The following KIAA0586 variants were observed in gnomAD, a reference collection of about 807,000 sequenced individuals.
The protein encoded by KIAA0586 is KIAA0586, also known as protein TALPID3.
In KIAA0586, 144 loss-of-function variants were observed where a neutral mutation model predicts 169.8. The observed-to-expected ratio is 0.85, with a 90% CI of 0.74 to 0.97. The LOEUF (loss-of-function observed/expected upper bound fraction) is 0.97. KIAA0586 is among the 50% of genes least tolerant of loss of function. The probability of loss-of-function intolerance (pLI) is 0.00; values close to 1 mark genes in which losing one functional copy is unlikely to be tolerated. For synonymous variants in KIAA0586, 625 were observed against 612.4 expected (o/e 1.02, Z -0.30); for missense variants, 1,854 against 1,823.0 (o/e 1.02, Z -0.31).
chr14:58,527,761 TG>T (rs1370222897), intron 29 of KIAA0586, among the ~76,000 whole-genome samples: 1 of 152,096 alleles, frequency 6.6e-6, no homozygotes, highest in East Asian at 1.9e-4. Context: ...CATAGCAAAT[TG>T]TAAAGACCAT....
At chr14:58,442,481 A>G (rs1340728022) in intron 4 of KIAA0586, among the ~76,000 whole-genome samples, 2 of 152,000 alleles carry the variant, frequency 1.3e-5, no homozygotes, top group Admixed American at 6.6e-5. Flanking sequence ...TTTAATTCTT[A>G]TTTTCCAAAA....
Position 58,467,778 on chromosome 14 carries a change from G to A in KIAA0586, c.2298G>A (p.Val766=), listed in dbSNP as rs1241099692. The A allele has an allele frequency of 2.5e-6, 4 of 1,613,694 alleles. No homozygotes were observed. The South Asian group carries it at 4.4e-5, about 18-fold the overall frequency. ...GTGATACCATGCCACCTGCTGGAGT[G>A]ATTGTCAGCAAGCCACACCCTGTAA... The part of the protein sequence containing the change: ...SNSDTMPPAG[V]IVSKPHPVTV... Residue 766 remains valine (V), a synonymous_variant, in exon 16 of 31, where the codon GTG becomes GTA. Coordinates refer to ENST00000652326, the MANE Select transcript of KIAA0586 (RefSeq NM_001329943.3).
At chr14:58,517,312 A>G (rs923607766) in intron 29 of KIAA0586, among the ~76,000 whole-genome samples, 2 of 152,228 alleles carry the variant, frequency 1.3e-5, no homozygotes, top group Non-Finnish European at 2.9e-5. Flanking sequence ...TAAAATGCAT[A>G]AAAGATTTGA....
chr14:58,538,079 C>T (rs1409150161), intron 29 of KIAA0586, among the ~76,000 whole-genome samples: 1 of 152,016 alleles, frequency 6.6e-6, no homozygotes, highest in Non-Finnish European at 1.5e-5. Flanking sequence ...TCCCTTGAGC[C>T]CAGAAGGTCG....
intron 6 of KIAA0586, among the ~76,000 whole-genome samples, chr14:58,447,488 A>ATTTTATTTTG (rs1555378347): frequency 2.3e-5 from 3 of 130,530 alleles, no homozygotes; most frequent in East Asian, 2.0e-4. Flanking sequence ...GTTTTATTTT[A>ATTTTATTTTG]TTTTGTTTTT....
In KIAA0586 at chr14:58,428,107, C is replaced by G. The variant is rs994027981; in HGVS notation, c.-158C>G. The G allele has an allele frequency of 1.4e-6, 2 of 1,461,150 alleles. No individual in the cohort carries two copies. The highest frequency in any genetic ancestry group is 1.4e-5 in the African/African-American group (1 of 69,962). 90.5% of individuals were successfully genotyped at this position (1,461,150 alleles called of 1,614,324 possible). ...ATATGACTTTATAGTCAGCTCTAAT[C>G]CTGGATTCAATATCAGAATTTAGAT... On this transcript the variant is annotated 5_prime_UTR_variant, in exon 1 of 31. In the 5' UTR this introduces an upstream ATG that the reference lacks. Coordinates refer to ENST00000652326, the MANE Select transcript of KIAA0586 (RefSeq NM_001329943.3).
chr14:58,489,223 A>T (rs935025681), intron 24 of KIAA0586, among the ~76,000 whole-genome samples: 2 of 135,652 alleles, frequency 1.5e-5, no homozygotes, highest in Admixed American at 7.7e-5. Context: ...TGAAACCTGA[A>T]TTTTTTTTTT....
At chr14:58,517,368 TG>T (rs1359518383) in intron 29 of KIAA0586, among the ~76,000 whole-genome samples, 8 of 152,294 alleles carry the variant, frequency 5.3e-5, no homozygotes, top group South Asian at 2.1e-4. Context: ...AATAAGCACA[TG>T]GAAAATTGTT....
At position 58,428,058 on chromosome 14, in the gene KIAA0586, A is replaced by T. The variant is rs535485126; in HGVS notation, c.-207A>T. The T allele has an allele frequency of 3.5e-6, 5 of 1,441,318 alleles. No homozygotes were observed. In the South Asian group the frequency reaches 7.6e-5, roughly 22 times the overall value. The allele number at this position is 1,441,318 out of a possible 1,614,324, so 89.3% of individuals were successfully genotyped here. Reference sequence around the variant, plus strand: ...TCACATTTTGGCGTGGTGTATTAATAGACTGAGTGGGATTAATGGGTAAAT... The same window carrying T: ...TCACATTTTGGCGTGGTGTATTAATTGACTGAGTGGGATTAATGGGTAAAT... On this transcript the variant is annotated 5_prime_UTR_variant, in exon 1 of 31. Coordinates refer to ENST00000652326, the MANE Select transcript of KIAA0586 (RefSeq NM_001329943.3).
At chr14:58,556,851 T>A in the KIAA0586 span, among the ~76,000 whole-genome samples, 1 of 152,186 alleles carries the variant, frequency 6.6e-6, no homozygotes, top group Admixed American at 6.5e-5. Context: ...GTTCAGGCGA[T>A]TCTCCTGCCT....
Position 58,467,790 on chromosome 14 carries a change from G to A in KIAA0586, c.2310G>A (p.Lys770=). The change falls in exon 16 of 31, where the codon AAG becomes AAA. Residue 770 remains lysine (K), a synonymous_variant. Transcript: ENST00000652326. ...CACCTGCTGGAGTGATTGTCAGCAA[G>A]CCACACCCTGTAACTGTGACTACTT... The part of the protein sequence containing the change: ...TMPPAGVIVS[K]PHPVTVTTSI... 6.2e-7 allele frequency: 1 copy of A among 1,613,798 alleles called. No homozygotes were observed.
chr14:58,468,651 T>C (rs2040963320), intron 16 of KIAA0586, among the ~76,000 whole-genome samples: 2 of 152,310 alleles, frequency 1.3e-5, no homozygotes, highest in South Asian at 4.1e-4. Flanking sequence ...CGGCCTGGGA[T>C]CCAGCTGTAG....
At chr14:58,465,731 A>G in intron 14 of KIAA0586, 104 bp from the exon 15 acceptor site, 1 of 699,154 alleles carries the variant, frequency 1.4e-6, no homozygotes, top group South Asian at 2.4e-5. Flanking sequence ...GTAACCTTAT[A>G]TAGAATTAAG....
At chr14:58,456,601 T>C in intron 9 of KIAA0586, 101 bp from the exon 10 acceptor site, 1 of 662,692 alleles carries the variant, frequency 1.5e-6, no homozygotes, top group Non-Finnish European at 2.7e-6. Context: ...TAGCTAAGAC[T>C]GTATCAAAGA....
At chr14:58,484,126 A>G (rs2042214558) in intron 21 of KIAA0586, among the ~76,000 whole-genome samples, 1 of 152,112 alleles carries the variant, frequency 6.6e-6, no homozygotes, top group Non-Finnish European at 1.5e-5. Context: ...GGGGTTGGTA[A>G]AAGTTGAATT....
chr14:58,445,666 T>C (rs1256411962), intron 6 of KIAA0586, among the ~76,000 whole-genome samples: 2 of 151,684 alleles, frequency 1.3e-5, no homozygotes, highest in Non-Finnish European at 2.9e-5. Flanking sequence ...ACTCTTGGCC[T>C]CAAGTGATCC....
rs2141307384 is a variant in KIAA0586, at chr14:58,498,695, G to A, written c.3991-88G>A. On this transcript the variant is annotated intron_variant, in intron 26 of 30. Coordinates refer to ENST00000652326, the MANE Select transcript of KIAA0586 (RefSeq NM_001329943.3). ...GTAAAATACCTTCCAAGGAGTCAAAGGGTATTGTTCATGATATTTGGCAAA... is the reference window on the plus strand; with the variant it reads ...GTAAAATACCTTCCAAGGAGTCAAAAGGTATTGTTCATGATATTTGGCAAA... 7 of 1,109,886 alleles carry A rather than the reference G, an allele frequency of 6.3e-6. No individual in the cohort carries two copies. In the East Asian group the frequency reaches 7.7e-5, roughly 12 times the overall value. The allele number at this position is 1,109,886 out of a possible 1,614,324, so 68.8% of individuals were successfully genotyped here. A position where few individuals can be genotyped will look rare whatever the true frequency, so the allele number is the denominator to read the frequency against.
chr14:58,531,431 GA>G (rs1460073683), intron 29 of KIAA0586, among the ~76,000 whole-genome samples: 1 of 151,998 alleles, frequency 6.6e-6, no homozygotes, highest in Non-Finnish European at 1.5e-5. Context: ...ACAAAGATCT[GA>G]AAAAAGGCTC....
chr14:58,526,909 C>T (rs2139955099), intron 29 of KIAA0586, among the ~76,000 whole-genome samples: 1 of 152,150 alleles, frequency 6.6e-6, no homozygotes, highest in Non-Finnish European at 1.5e-5. Flanking sequence ...ATCACATTTT[C>T]CCCTCTTTAA....
Sources: allele counts gnomAD v4.1 joint callset (sites outside exome capture counted in the v4.1 genomes callset), GRCh38; gene constraint gnomAD v4.1.1; transcripts MANE v1.5; gene names NCBI Gene and HGNC (gene_info 2026-07-23, HGNC 2026-07-21).